Variants in ELF2 observed in about 807,000 individuals in gnomAD.
The protein encoded by ELF2 is E74 like ETS transcription factor 2.
A neutral mutation model predicts 54.8 loss-of-function variants in ELF2; 11 were observed. The ratio of observed to expected loss-of-function variants is 0.20; its 90% CI spans 0.13 to 0.33. The LOEUF is 0.33. Among genes scored for constraint, ELF2 ranks in the 10% least tolerant of loss-of-function variants. The pLI is 1.00. For synonymous variants in ELF2, 203 were observed against 245.1 expected (o/e 0.83, Z 1.61); for missense variants, 513 against 703.0 (o/e 0.73, Z 3.06).
chr4:139,094,269 C>A (rs13120442), intron 4 of ELF2, among the ~76,000 whole-genome samples: 7 of 152,180 alleles, frequency 4.6e-5, no homozygotes, highest in African/African-American at 1.7e-4. Flanking sequence ...GTTGTCCTAG[C>A]TAAGGCCCTC....
chr4:139,175,878 T>A (rs1285612918), intron 1 of ELF2, among the ~76,000 whole-genome samples: 2 of 152,176 alleles, frequency 1.3e-5, no homozygotes, highest in Non-Finnish European at 1.5e-5. Context: ...CGAATCTGCC[T>A]CCTAGAAAGA....
intron 4 of ELF2, among the ~76,000 whole-genome samples, chr4:139,106,537 T>A (rs1734427131): frequency 6.6e-6 from 1 of 152,048 alleles, no homozygotes; most frequent in Admixed American, 6.6e-5. Flanking sequence ...ATGACCAATA[T>A]AAATCACAGA....
chr4:139,060,760 A>G, intron 8 of ELF2, 86 bp from the exon 9 acceptor site: 5 of 1,082,492 alleles, frequency 4.6e-6, no homozygotes, highest in Non-Finnish European at 6.7e-6. Context: ...CATACAGTGG[A>G]TACTAACAGA....
intron 3 of ELF2, among the ~76,000 whole-genome samples, chr4:139,130,951 G>A (rs1242350064): frequency 3.3e-5 from 5 of 152,196 alleles, no homozygotes. Flanking sequence ...GCCTTGTACT[G>A]TGTAGAAGAG....
chr4:139,169,482 T>C (rs1370135988), intron 1 of ELF2, among the ~76,000 whole-genome samples: 1 of 152,140 alleles, frequency 6.6e-6, no homozygotes. Flanking sequence ...AACCTCAGAC[T>C]GGCATCACTC....
At chr4:139,169,181 C>T (rs1008782106) in intron 1 of ELF2, among the ~76,000 whole-genome samples, 27 of 151,608 alleles carry the variant, frequency 1.8e-4, no homozygotes, top group African/African-American at 6.0e-4. Context: ...AACCCCATTC[C>T]TACTAAAAAT....
intron 1 of ELF2, among the ~76,000 whole-genome samples, chr4:139,168,207 C>A (rs769397959): frequency 6.6e-6 from 1 of 152,162 alleles, no homozygotes; most frequent in Admixed American, 6.6e-5. Flanking sequence ...GAGACTCATA[C>A]GCAAAATAAG....
chr4:139,137,899 T>G, intron 2 of ELF2, 32 bp from the exon 3 acceptor site: 1 of 1,275,720 alleles, frequency 7.8e-7, no homozygotes, highest in Non-Finnish European at 1.0e-6. Context: ...AAAGTTATTT[T>G]AAAAATTACA....
chr4:139,059,911 A>C (rs1224124194), intron 9 of ELF2, among the ~76,000 whole-genome samples: 1 of 151,380 alleles, frequency 6.6e-6, no homozygotes, highest in East Asian at 1.9e-4. Context: ...ATAGTGGTGC[A>C]ATCTTAGCTC....
chr4:139,084,475 G>A (rs1224206986), intron 4 of ELF2: 5 of 982,400 alleles, frequency 5.1e-6, no homozygotes, highest in Non-Finnish European at 6.3e-6. Flanking sequence ...TGGCTGTGGC[G>A]GCCGCCGCAG....
rs767235758 is a variant in ELF2 at position 139,061,951 on chromosome 4, C to T, written c.720G>A (p.Leu240=). ...GCTTAGAGACAGCCTTTGAATCCAC[C>T]AGCTTGAATATGCCTTTTTCTCTCT... is the stretch of plus-strand genomic sequence containing the variant. ...WTQREKGIFK[L]VDSKAVSKLW... Residue 240 remains leucine (L), a synonymous_variant, in exon 8 of 10, where the codon CTG becomes CTA. Transcript: ENST00000686138. The T allele has an allele frequency of 8.7e-6, 14 of 1,613,784 alleles. No individual in the cohort carries two copies. The highest frequency in any genetic ancestry group is 8.5e-6 in the Non-Finnish European group (10 of 1,179,886).
chr4:139,066,051 A>G (rs1728662674), intron 7 of ELF2: 1 of 135,658 alleles, frequency 7.4e-6, no homozygotes, highest in South Asian at 2.3e-4. Context: ...TGAAATACCA[A>G]ATTTCTTGGT....
At chr4:139,090,922 GT>G (rs1732502975) in intron 4 of ELF2, among the ~76,000 whole-genome samples, 4 of 149,734 alleles carry the variant, frequency 2.7e-5, no homozygotes, top group Admixed American at 2.0e-4. Flanking sequence ...GGTTTGTTTT[GT>G]TTTGTTTTGT....
At chr4:139,117,096 CTAA>C (rs1305876029) in intron 4 of ELF2, among the ~76,000 whole-genome samples, 3 of 152,136 alleles carry the variant, frequency 2.0e-5, no homozygotes, top group African/African-American at 7.2e-5. Context: ...TGATAATTAA[CTAA>C]TAAGACTAAA....
At chr4:139,157,001 T>G (rs1036663641) in intron 1 of ELF2, among the ~76,000 whole-genome samples, 1 of 152,196 alleles carries the variant, frequency 6.6e-6, no homozygotes, top group African/African-American at 2.4e-5. Flanking sequence ...GGCAGAAATA[T>G]ATCCTAAGAA....
chr4:139,071,724 T>G (rs991330904), intron 6 of ELF2, 142 bp downstream of exon 6: 8 of 790,280 alleles, frequency 1.0e-5, no homozygotes, highest in Non-Finnish European at 1.5e-5. Flanking sequence ...AAAATCTCAA[T>G]GTTGATTCTT....
chr4:139,114,561 T>TCCAGTCTCACACACACACA (rs70940492), intron 4 of ELF2, among the ~76,000 whole-genome samples: 5,215 of 108,500 alleles, frequency 0.048, 207 homozygotes, highest in East Asian at 0.17. Context: ...GACTTCAGTC[T>TCCAGTCTCACACACACACA]CACACACACA....
chr4:139,096,071 A>T (rs1444353127), intron 4 of ELF2, among the ~76,000 whole-genome samples: 3 of 152,148 alleles, frequency 2.0e-5, no homozygotes, highest in Non-Finnish European at 4.4e-5. Flanking sequence ...AGATCACGCC[A>T]CTGCACTCCA....
In ELF2 at chr4:139,125,344, T is replaced by G; in HGVS notation, c.73-15A>C. 3 of 1,602,652 alleles carry G rather than the reference T, an allele frequency of 1.9e-6. No homozygotes were observed. In the South Asian group the frequency reaches 3.4e-5, roughly 18 times the overall value. On this transcript the variant is annotated splice_polypyrimidine_tract_variant and intron_variant, in intron 3 of 9. Coordinates refer to ENST00000686138, the MANE Select transcript of ELF2 (RefSeq NM_001331036.3). ...TTTTCACTTTCCTATAAGAGCAAAT[T>G]TAAAGAACAATCAACCTTTGTATTT...
Sources: gnomAD v4.1 joint callset for allele counts (sites outside exome capture counted in the v4.1 genomes callset) on GRCh38, gnomAD v4.1.1 for gene constraint, MANE v1.5 for transcripts, NCBI Gene and HGNC (gene_info 2026-07-23, HGNC 2026-07-21) for gene names.